WDFY4: variants seen among roughly 807,000 people sequenced by gnomAD.
WDFY4 encodes WDFY family member 4.
Under a neutral mutation model 351.9 loss-of-function variants are expected in WDFY4, and 169 were observed. The observed-to-expected ratio is 0.48, with a 90% CI of 0.42 to 0.55. The LOEUF is 0.55. Among genes scored for constraint, WDFY4 ranks in the 20% least tolerant of loss-of-function variants. The pLI is 0.00. For synonymous variants in WDFY4, 1,622 were observed against 1,574.6 expected (o/e 1.03, Z -0.71); for missense variants, 3,803 against 3,935.6 (o/e 0.97, Z 0.90).
chr10:48,863,874 T>C (rs982770307), intron 39 of WDFY4, among the ~76,000 whole-genome samples: 3 of 152,182 alleles, frequency 2.0e-5, no homozygotes, highest in Non-Finnish European at 4.4e-5. Flanking sequence ...AGGCACCTTC[T>C]TCACAAGGTG....
intron 44 of WDFY4, among the ~76,000 whole-genome samples, chr10:48,891,581 G>A (rs1836803618): frequency 6.6e-6 from 1 of 152,252 alleles, no homozygotes; most frequent in Admixed American, 6.5e-5. Flanking sequence ...ATAATGACAA[G>A]ATGACTTCTT....
chr10:48,796,215 C>T, intron 23 of WDFY4, 83 bp from the exon 24 acceptor site: 12 of 1,443,150 alleles, frequency 8.3e-6, no homozygotes, highest in Non-Finnish European at 9.3e-6. Flanking sequence ...AGAAGGTTTG[C>T]AGACTGGACT....
chr10:48,977,960 G>A (rs527783718), intron 59 of WDFY4, among the ~76,000 whole-genome samples: 1 of 152,310 alleles, frequency 6.6e-6, no homozygotes, highest in African/African-American at 2.4e-5. Flanking sequence ...TACTCTAGAG[G>A]TGGTAGCATT....
At chr10:48,895,400 G>A (rs767982534) in intron 44 of WDFY4, among the ~76,000 whole-genome samples, 29 of 152,210 alleles carry the variant, frequency 1.9e-4, no homozygotes, top group Non-Finnish European at 3.1e-4. Context: ...ACCTTAGGCT[G>A]GGGCTGGCAG....
intron 51 of WDFY4, among the ~76,000 whole-genome samples, chr10:48,948,733 C>A (rs1169323240): frequency 2.0e-5 from 3 of 152,182 alleles, no homozygotes; most frequent in Admixed American, 2.0e-4. Context: ...TGCAGAGAAC[C>A]CCCAGCTCAA....
At chr10:48,929,793 C>T (rs544625378) in intron 47 of WDFY4, among the ~76,000 whole-genome samples, 160 of 152,240 alleles carry the variant, frequency 1.1e-3, no homozygotes, top group African/African-American at 3.7e-3. Context: ...CAGCCTCTTC[C>T]GGCTGGGCTG....
At chr10:48,854,054 C>T (rs2069048895) in intron 39 of WDFY4, among the ~76,000 whole-genome samples, 1 of 151,980 alleles carries the variant, frequency 6.6e-6, no homozygotes, top group East Asian at 1.9e-4. Flanking sequence ...TGTTTATAAC[C>T]AAACTCATAG....
chr10:48,909,627 AAG>A (rs763676506), intron 47 of WDFY4: 2 of 152,048 alleles, frequency 1.3e-5, no homozygotes, highest in Non-Finnish European at 2.9e-5. Context: ...TAGTGAGAGG[AAG>A]AGAGAGAGAG....
rs535259623 is a variant in WDFY4 at position 48,773,252 on chromosome 10, C to T, written c.2554-1206C>T. ...GGCAGTTCTGCAGAGAAGGGGAAGC[C>T]GTGGCAGGTATACCTCTCATCTGGA... On this transcript the variant is annotated intron_variant, in intron 13 of 61. Coordinates refer to ENST00000325239, the MANE Select transcript of WDFY4 (RefSeq NM_001394531.1). Among the ~76,000 whole-genome samples, 13 of 152,264 alleles carry T rather than the reference C, an allele frequency of 8.5e-5. No individual in the cohort carries two copies. The South Asian group carries it at 1.7e-3, about 19-fold the overall frequency.
intron 49 of WDFY4, among the ~76,000 whole-genome samples, chr10:48,945,328 A>T (rs1019032060): frequency 6.6e-6 from 1 of 152,118 alleles, no homozygotes; most frequent in African/African-American, 2.4e-5. Flanking sequence ...GTGAGCCAGG[A>T]CCACTCCACT....
intron 2 of WDFY4, among the ~76,000 whole-genome samples, chr10:48,718,316 C>T (rs2063971935): frequency 6.6e-6 from 1 of 152,090 alleles, no homozygotes; most frequent in East Asian, 1.9e-4. Flanking sequence ...TGCCTTTTCA[C>T]TTTGTTTATA....
At chr10:48,901,768 G>A in intron 46 of WDFY4, 33 bp from the exon 47 acceptor site, 1 of 1,549,448 alleles carries the variant, frequency 6.5e-7, no homozygotes, top group South Asian at 1.2e-5. Context: ...TCTTGACTCT[G>A]CTGATGGAAT....
At chr10:48,814,270 C>G (rs2067548099) in intron 31 of WDFY4, among the ~76,000 whole-genome samples, 188 bp downstream of exon 31, 1 of 152,246 alleles carries the variant, frequency 6.6e-6, no homozygotes, top group African/African-American at 2.4e-5. Context: ...CTATAGGTCT[C>G]TGAGCTTTAT....
At chr10:48,900,070 G>A in intron 45 of WDFY4, 151 bp from the exon 46 acceptor site, 1 of 623,062 alleles carries the variant, frequency 1.6e-6, no homozygotes, top group South Asian at 2.1e-5. Flanking sequence ...CTGTCACCAA[G>A]GTCTTCCTAC....
chr10:48,956,794 C>T (rs1841611428), intron 51 of WDFY4, among the ~76,000 whole-genome samples: 1 of 152,212 alleles, frequency 6.6e-6, no homozygotes, highest in Non-Finnish European at 1.5e-5. Context: ...GCACCTAATT[C>T]AGAGCTGGCC....
At chr10:48,832,918 T>C (rs1421310919) in intron 39 of WDFY4, among the ~76,000 whole-genome samples, 1 of 152,142 alleles carries the variant, frequency 6.6e-6, no homozygotes, top group Non-Finnish European at 1.5e-5. Flanking sequence ...TGGAGTCAGA[T>C]GTATTCAGAG....
intron 26 of WDFY4, 68 bp downstream of exon 26, chr10:48,805,489 C>G: frequency 2.0e-6 from 3 of 1,495,810 alleles, no homozygotes; most frequent in Non-Finnish European, 2.7e-6. Flanking sequence ...AGGACAGACC[C>G]CAGCTCTCTC....
intron 47 of WDFY4, among the ~76,000 whole-genome samples, chr10:48,926,543 C>T (rs150557380): frequency 3.8e-4 from 58 of 152,266 alleles, no homozygotes; most frequent in African/African-American, 1.4e-3. Context: ...GTTCCACTGA[C>T]CTTTTGGAGG....
At position 48,897,455 on chromosome 10, in the gene WDFY4, A is replaced by T; in HGVS notation, c.7318A>T (p.Ile2440Phe). 6.4e-7 allele frequency: 1 copy of T among 1,551,150 alleles called. No homozygotes were observed. Among genetic ancestry groups the T allele is most frequent in the Non-Finnish European group, 8.7e-7 (1 of 1,146,642 alleles). ...VYCTRHCLSN[I>F]SDPFIFNLCS... ...CCTGCATGCCTGTTTCCTTTTCAGC[A>T]TCAGCGATCCGTTCATTTTCAACCT... is the stretch of plus-strand genomic sequence containing the variant. The change falls in exon 45 of 62, where the codon ATC becomes TTC. Residue 2440 changes from isoleucine to phenylalanine, a missense_variant and splice_region_variant. Around this residue, in one of 3 missense-constraint regions of WDFY4, gnomAD observed 3,054 missense variants for 3,148.6 expected, o/e 0.97. Transcript: ENST00000325239.
Sources: allele counts gnomAD v4.1 joint callset (sites outside exome capture counted in the v4.1 genomes callset), GRCh38; gene constraint gnomAD v4.1.1; regional missense constraint gnomAD v4.1.1; transcripts MANE v1.5; gene names NCBI Gene and HGNC (gene_info 2026-07-23, HGNC 2026-07-21).